Variants in CNTNAP2 observed in about 807,000 individuals in gnomAD.
CNTNAP2 encodes the protein contactin associated protein 2, also known as contactin-associated protein-like 2.
In CNTNAP2, 98 loss-of-function variants were observed where a neutral mutation model predicts 155.2. That is an observed-to-expected ratio of 0.63 (90% CI 0.54 to 0.75). CNTNAP2 has a LOEUF of 0.75. Ranked by LOEUF, CNTNAP2 falls within the 30% of genes least tolerant of loss-of-function variation. The pLI is 0.00. For missense variants in CNTNAP2, 1,727 were observed against 1,688.1 expected (o/e 1.02, Z -0.40); for synonymous variants, 651 against 631.2 (o/e 1.03, Z -0.47).
rs180892767 is a variant in CNTNAP2 at position 146,899,295 on chromosome 7, C to A, written c.402+59391C>A. Among the ~76,000 whole-genome samples the A allele has an allele frequency of 1.1e-4, 16 of 152,274 alleles. No homozygotes were observed. In the East Asian group the frequency reaches 3.1e-3, roughly 30 times the overall value. The stretch of plus-strand genomic sequence containing the variant: ...ATTTGCTTAGTTCCAGAATTTCTTA[C>A]CCAGTTGCCAACAAGACAAGTTTAT... On this transcript the variant is annotated intron_variant, in intron 3 of 23. Transcript: ENST00000361727.
At chr7:147,661,255 A>T (rs1307037542) in intron 13 of CNTNAP2, among the ~76,000 whole-genome samples, 2 of 150,984 alleles carry the variant, frequency 1.3e-5, no homozygotes, top group Non-Finnish European at 3.0e-5. Flanking sequence ...ATGCCGTGTC[A>T]TTTTTTTTTG....
chr7:148,300,118 G>A (rs1208013025), intron 21 of CNTNAP2, among the ~76,000 whole-genome samples: 1 of 152,186 alleles, frequency 6.6e-6, no homozygotes, highest in African/African-American at 2.4e-5. Context: ...TGCTCCTAGT[G>A]TTTTTGCTGA....
At chr7:146,876,223 T>A (rs1051293221) in intron 3 of CNTNAP2, among the ~76,000 whole-genome samples, 2 of 152,080 alleles carry the variant, frequency 1.3e-5, no homozygotes, top group Non-Finnish European at 2.9e-5. Flanking sequence ...TTGCATCACC[T>A]GAATCTTCCC....
At chr7:146,388,711 T>C (rs1370322110) in intron 1 of CNTNAP2, among the ~76,000 whole-genome samples, 2 of 152,198 alleles carry the variant, frequency 1.3e-5, no homozygotes, top group Non-Finnish European at 2.9e-5. Context: ...TCATTCTTCC[T>C]ATTATTTTTT....
At chr7:148,091,843 G>A (rs1429963499) in intron 15 of CNTNAP2, among the ~76,000 whole-genome samples, 1 of 152,102 alleles carries the variant, frequency 6.6e-6, no homozygotes, top group Non-Finnish European at 1.5e-5. Context: ...AACCTTCCCT[G>A]ACTGCTTGGA....
chr7:146,139,448 C>T (rs1797845481), intron 1 of CNTNAP2, among the ~76,000 whole-genome samples: 1 of 152,122 alleles, frequency 6.6e-6, no homozygotes, highest in Non-Finnish European at 1.5e-5. Context: ...AACTTTTTGA[C>T]TGTTGACACT....
chr7:147,696,490 A>G (rs1022800202), intron 13 of CNTNAP2, among the ~76,000 whole-genome samples: 1 of 152,174 alleles, frequency 6.6e-6, no homozygotes, highest in African/African-American at 2.4e-5. Context: ...CTCCATATAC[A>G]TAGAGTACAT....
At chr7:146,129,477 A>G (rs1023810049) in intron 1 of CNTNAP2, among the ~76,000 whole-genome samples, 2 of 152,284 alleles carry the variant, frequency 1.3e-5, no homozygotes, top group Middle Eastern at 3.4e-3. Context: ...CTAGCTACTC[A>G]AGCATTTCCT....
intron 20 of CNTNAP2, among the ~76,000 whole-genome samples, chr7:148,266,196 A>G (rs1796665029): frequency 6.6e-6 from 1 of 152,070 alleles, no homozygotes; most frequent in African/African-American, 2.4e-5. Flanking sequence ...CACGTATTAA[A>G]CTCACTTCAG....
At chr7:146,144,008 C>T (rs1220982467) in intron 1 of CNTNAP2, among the ~76,000 whole-genome samples, 1 of 151,880 alleles carries the variant, frequency 6.6e-6, no homozygotes, top group Admixed American at 6.6e-5. Context: ...GTGATCCTCC[C>T]ACCTCGGCCT....
At chr7:148,302,950 C>T (rs1040270061) in intron 21 of CNTNAP2, among the ~76,000 whole-genome samples, 3 of 150,676 alleles carry the variant, frequency 2.0e-5, no homozygotes, top group Non-Finnish European at 2.9e-5. Context: ...TCCTGAGTAG[C>T]TTGGATTACA....
At chr7:148,328,867 T>A (rs1232364889) in intron 21 of CNTNAP2, among the ~76,000 whole-genome samples, 1 of 148,308 alleles carries the variant, frequency 6.7e-6, no homozygotes. Context: ...TCCCAGCTAC[T>A]CAGGAGGTTG....
chr7:146,871,387 G>C (rs979140827), intron 3 of CNTNAP2, among the ~76,000 whole-genome samples: 1 of 151,862 alleles, frequency 6.6e-6, no homozygotes, highest in South Asian at 2.1e-4. Flanking sequence ...AAAATAAGGC[G>C]ATCCTAATGG....
chr7:148,054,447 CTTT>C lies in CNTNAP2; in HGVS notation c.2384-63648_2384-63646del, dbSNP rs61157011. 4.9e-3 allele frequency among the ~76,000 whole-genome samples: 357 copies of C among 73,086 alleles called. 2 individuals carry two copies. The highest frequency in any genetic ancestry group is 6.9e-3 in the Admixed American group (40 of 5,756). The allele number at this position is 73,086 out of a possible 152,430, so 47.9% of individuals were successfully genotyped here. A position where few individuals can be genotyped will look rare whatever the true frequency, so the allele number is the denominator to read the frequency against. On this transcript the variant is annotated intron_variant, in intron 15 of 23. Transcript: ENST00000361727. ...TATCACTATGACTTCTCTCAGTGGC[CTTT>C]TTTTTTTTTTTTTTTTTTTTTTACA... is the stretch of plus-strand genomic sequence containing the variant.
At chr7:147,699,565 G>A (rs547319848) in intron 13 of CNTNAP2, among the ~76,000 whole-genome samples, 2 of 151,902 alleles carry the variant, frequency 1.3e-5, no homozygotes, top group East Asian at 1.9e-4. Context: ...AAACCTGCAC[G>A]TTCTGCACAT....
intron 9 of CNTNAP2, among the ~76,000 whole-genome samples, chr7:147,341,509 G>A (rs1563167237): frequency 1.3e-5 from 2 of 152,024 alleles, no homozygotes; most frequent in Non-Finnish European, 2.9e-5. Context: ...AAATGGAATT[G>A]TCTGAGAAGT....
chr7:147,172,874 G>T (rs1269820455), intron 8 of CNTNAP2, among the ~76,000 whole-genome samples: 1 of 152,106 alleles, frequency 6.6e-6, no homozygotes, highest in Admixed American at 6.5e-5. Flanking sequence ...TATCTGCATT[G>T]TTTGGTATAT....
At chr7:147,273,788 T>A (rs1460405891) in intron 8 of CNTNAP2, among the ~76,000 whole-genome samples, 1 of 146,532 alleles carries the variant, frequency 6.8e-6, no homozygotes, top group East Asian at 1.9e-4. Context: ...TATATCTATT[T>A]TATATATATT....
chr7:148,038,945 T>A (rs1802620782), intron 15 of CNTNAP2, among the ~76,000 whole-genome samples: 1 of 152,316 alleles, frequency 6.6e-6, no homozygotes, highest in South Asian at 2.1e-4. Context: ...ACAGGCCCTC[T>A]TTTTGTTAAA....
Sources: allele counts gnomAD v4.1 joint callset (sites outside exome capture counted in the v4.1 genomes callset), GRCh38; gene constraint gnomAD v4.1.1; transcripts MANE v1.5; gene names NCBI Gene and HGNC (gene_info 2026-07-23, HGNC 2026-07-21).